Variants in CADM1 observed in about 807,000 individuals in gnomAD.
CADM1 encodes cell adhesion molecule 1.
CADM1 carries 15 observed loss-of-function variants against 53.1 expected under a neutral mutation model. The observed-to-expected ratio is 0.28, with a 90% CI of 0.19 to 0.44. CADM1 has a LOEUF of 0.44. Among genes scored for constraint, CADM1 ranks in the 20% least tolerant of loss-of-function variants. The pLI is 1.00. For missense variants in CADM1, 434 were observed against 611.3 expected (o/e 0.71, Z 3.06); for synonymous variants, 281 against 243.0 (o/e 1.16, Z -1.45).
At chr11:115,468,272 T>A (rs938348241) in intron 1 of CADM1, among the ~76,000 whole-genome samples, 10 of 152,288 alleles carry the variant, frequency 6.6e-5, no homozygotes, top group African/African-American at 2.2e-4. Context: ...ACTGTGAGCA[T>A]CACAATCTCA....
intron 1 of CADM1, among the ~76,000 whole-genome samples, chr11:115,385,192 A>AC (rs1313287058): frequency 1.3e-5 from 2 of 152,176 alleles, no homozygotes; most frequent in African/African-American, 4.8e-5. Context: ...CAAAAAAAAA[A>AC]AAAACAGATT....
chr11:115,264,139 T>C (rs1943059579), intron 1 of CADM1, among the ~76,000 whole-genome samples: 1 of 152,196 alleles, frequency 6.6e-6, no homozygotes, highest in Non-Finnish European at 1.5e-5. Flanking sequence ...TTAATGCTCT[T>C]CTGAGACAAT....
Position 115,175,120 on chromosome 11 carries a change from GT to G in CADM1, c.*1353del. On this transcript the variant is annotated 3_prime_UTR_variant, in exon 12 of 12. Transcript: ENST00000331581. ...AAAAGATAAAAACACTCACATTTGA[GT>G]TTTGATTAAGTAACTGAAAATCCGT... The G allele has an allele frequency of 1.0e-6, 1 of 985,800 alleles. No individual in the cohort carries two copies. The allele number at this position is 985,800 out of a possible 1,614,324, so 61.1% of individuals were successfully genotyped here.
chr11:115,204,380 T>A (rs1199104380), intron 8 of CADM1, among the ~76,000 whole-genome samples: 2 of 152,226 alleles, frequency 1.3e-5, no homozygotes, highest in African/African-American at 4.8e-5. Context: ...TATCTCTTAT[T>A]GGGTTCCAAT....
At chr11:115,239,444 C>A (rs767982668) in intron 2 of CADM1, among the ~76,000 whole-genome samples, 1 of 152,122 alleles carries the variant, frequency 6.6e-6, no homozygotes, top group Non-Finnish European at 1.5e-5. Flanking sequence ...TACATGTGGG[C>A]CTCTTATTTA....
intron 5 of CADM1, among the ~76,000 whole-genome samples, chr11:115,226,787 A>G (rs1461439942): frequency 2.0e-5 from 3 of 152,190 alleles, no homozygotes; most frequent in Non-Finnish European, 2.9e-5. Context: ...TTGTTACTGC[A>G]TAGCTGCTAG....
intron 1 of CADM1, among the ~76,000 whole-genome samples, chr11:115,324,362 CA>C (rs1166086180): frequency 1.3e-5 from 2 of 152,102 alleles, no homozygotes; most frequent in Non-Finnish European, 2.9e-5. Context: ...ACAACATCAA[CA>C]ATAAAAATGA....
At chr11:115,259,792 A>C (rs1451609083) in intron 1 of CADM1, among the ~76,000 whole-genome samples, 1 of 151,650 alleles carries the variant, frequency 6.6e-6, no homozygotes, top group African/African-American at 2.4e-5. Flanking sequence ...CTCATCCTGA[A>C]CTCTTCAGCA....
rs1044645302 is a variant in CADM1 at position 115,428,467 on chromosome 11, A to G, written c.124+75804T>C. 2.0e-5 allele frequency among the ~76,000 whole-genome samples: 3 copies of G among 151,646 alleles called. No homozygotes were observed. In the South Asian group the frequency reaches 6.3e-4, roughly 32 times the overall value. ...AGGCAAGAGTCCTTGCATCTGGTGA[A>G]TTTTTTTTTAAGAGTTTGGAATGAT... On this transcript the variant is annotated intron_variant, in intron 1 of 11. Transcript: ENST00000331581.
chr11:115,399,151 T>A (rs185941904), intron 1 of CADM1: 1 of 152,310 alleles, frequency 6.6e-6, no homozygotes, highest in East Asian at 1.9e-4. Context: ...TATCACACAG[T>A]AATGAAAAAG....
At chr11:115,249,011 T>A (rs1942503601) in intron 1 of CADM1, among the ~76,000 whole-genome samples, 1 of 152,202 alleles carries the variant, frequency 6.6e-6, no homozygotes. Context: ...AGAGGCTTCT[T>A]ATGAAACTAA....
chr11:115,443,362 A>C (rs2135329764), intron 1 of CADM1, among the ~76,000 whole-genome samples: 1 of 152,344 alleles, frequency 6.6e-6, no homozygotes, highest in South Asian at 2.1e-4. Context: ...TGATAATAAA[A>C]GTAATGGCAG....
chr11:115,390,799 G>C (rs1370327333), intron 1 of CADM1, among the ~76,000 whole-genome samples: 1 of 152,000 alleles, frequency 6.6e-6, no homozygotes, highest in East Asian at 1.9e-4. Flanking sequence ...CTTCACATTT[G>C]TGAGCATTTA....
At chr11:115,388,652 G>A (rs1353017507) in intron 1 of CADM1, among the ~76,000 whole-genome samples, 1 of 152,038 alleles carries the variant, frequency 6.6e-6, no homozygotes, top group African/African-American at 2.4e-5. Context: ...TTCTGGTTGG[G>A]AATACACAGC....
At chr11:115,340,934 A>T (rs1945431050) in intron 1 of CADM1, among the ~76,000 whole-genome samples, 1 of 151,726 alleles carries the variant, frequency 6.6e-6, no homozygotes, top group Non-Finnish European at 1.5e-5. Context: ...GATTACAGGC[A>T]TGAGCCCACT....
intron 1 of CADM1, among the ~76,000 whole-genome samples, chr11:115,481,415 T>A (rs1002006086): frequency 1.3e-5 from 2 of 152,190 alleles, no homozygotes; most frequent in Non-Finnish European, 1.5e-5. Context: ...CAGCCCCTTC[T>A]TCACTCCTCT....
At chr11:115,196,230 T>C (rs1433498981) in intron 9 of CADM1, among the ~76,000 whole-genome samples, 2 of 152,074 alleles carry the variant, frequency 1.3e-5, no homozygotes, top group Admixed American at 6.5e-5. Flanking sequence ...CTTCTCTTTC[T>C]CTCTCTCCAG....
Position 115,488,382 on chromosome 11 carries a change from C to G in CADM1, c.124+15889G>C, listed in dbSNP as rs61423032. 2.2e-3 allele frequency among the ~76,000 whole-genome samples: 329 copies of G among 152,292 alleles called. 1 individual carries two copies. Among genetic ancestry groups the G allele is most frequent in the African/African-American group, 7.7e-3 (318 of 41,568 alleles). On this transcript the variant is annotated intron_variant, in intron 1 of 11. Transcript: ENST00000331581. ...ACAAGTTATGAGAGGCCCTCCTCCC[C>G]CTCCCAATAATGTCAGGAAGTTAGA...
At chr11:115,309,313 G>A (rs1944471080) in intron 1 of CADM1, among the ~76,000 whole-genome samples, 1 of 152,072 alleles carries the variant, frequency 6.6e-6, no homozygotes, top group African/African-American at 2.4e-5. Context: ...AAGAAAGATT[G>A]TCAATGCATA....
Sources: gnomAD v4.1 joint callset for allele counts (sites outside exome capture counted in the v4.1 genomes callset) on GRCh38, gnomAD v4.1.1 for gene constraint, MANE v1.5 for transcripts, NCBI Gene and HGNC (gene_info 2026-07-23, HGNC 2026-07-21) for gene names.